ENPEP: variants seen among roughly 807,000 people sequenced by gnomAD.
ENPEP encodes glutamyl aminopeptidase.
Under a neutral mutation model 114.5 loss-of-function variants are expected in ENPEP, and 103 were observed. That is an observed-to-expected ratio of 0.90 (90% CI 0.77 to 1.06). The LOEUF (loss-of-function observed/expected upper bound fraction) is 1.06, where lower values mean the gene tolerates loss of function less well. Ranked by LOEUF, ENPEP falls within the 50% of genes least tolerant of loss-of-function variation. The pLI is 0.00. For synonymous variants in ENPEP, 420 were observed against 422.0 expected, an observed-to-expected ratio of 1.00 and a Z score of 0.06; for missense variants, 1,196 against 1,161.3, an observed-to-expected ratio of 1.03 and a Z score of -0.43.
Position 110,520,091 on chromosome 4 carries a change from T to C in ENPEP, c.1575+18T>C, listed in dbSNP as rs2110363013. 6.2e-7 allele frequency: 1 copy of C among 1,611,702 alleles called. No homozygotes were observed. The highest frequency in any genetic ancestry group is 2.2e-5 in the East Asian group (1 of 44,834). On this transcript the variant is annotated intron_variant, in intron 9 of 19. Coordinates refer to ENST00000265162, the MANE Select transcript of ENPEP (RefSeq NM_001977.4). The stretch of plus-strand genomic sequence containing the variant: ...TGGAAGAGGTAAGGAAGAGTATATG[T>C]CCCCAAATATTTCTTTGTCTGATTT...
rs747567310 is a variant in ENPEP at position 110,562,878 on chromosome 4, C to G, written c.*1320C>G. On this transcript the variant is annotated 3_prime_UTR_variant, in exon 20 of 20. Transcript: ENST00000265162. ...AGAATCGGCTTGATGAGAATTGAAG[C>G]ATATGGAAACAAAACCTTAGCTTTA... 7 of 152,054 alleles carry G rather than the reference C, an allele frequency of 4.6e-5. No individual in the cohort carries two copies. Among genetic ancestry groups the G allele is most frequent in the Non-Finnish European group, 8.8e-5 (6 of 67,972 alleles). The allele number at this position is 152,054 out of a possible 1,614,324, so 9.4% of individuals were successfully genotyped here.
intron 17 of ENPEP, 86 bp from the exon 18 acceptor site, chr4:110,553,229 C>A: frequency 8.2e-7 from 1 of 1,220,490 alleles, no homozygotes; most frequent in East Asian, 2.5e-5. Context: ...GAATTGCTGG[C>A]ATGAAAACTA....
At chr4:110,539,959 G>C (rs927747275) in intron 11 of ENPEP, among the ~76,000 whole-genome samples, 7 of 151,940 alleles carry the variant, frequency 4.6e-5, no homozygotes, top group African/African-American at 1.7e-4. Flanking sequence ...AATTAAAGAG[G>C]CTCTCGATGA....
chr4:110,518,356 T>TC (rs1178690221), intron 8 of ENPEP, among the ~76,000 whole-genome samples: 2 of 152,212 alleles, frequency 1.3e-5, no homozygotes, highest in Non-Finnish European at 2.9e-5. Context: ...AAATGTCTTT[T>TC]CCCTTCTTGG....
rs1725494391 is a variant in ENPEP, at chr4:110,509,532, A to G, written c.1040-121A>G. The G allele has an allele frequency of 6.2e-6, 8 of 1,288,774 alleles. No homozygotes were observed. The Admixed American group carries it at 2.2e-4, about 36-fold the overall frequency. The allele number at this position is 1,288,774 out of a possible 1,614,324, so 79.8% of individuals were successfully genotyped here. On this transcript the variant is annotated intron_variant, in intron 4 of 19. Transcript: ENST00000265162. ...TTCGCACACATGATTACAGTTCTTT[A>G]CTCTAAGAAATTATTTTTAGGCTTT... is the stretch of plus-strand genomic sequence containing the variant.
At position 110,476,787 on chromosome 4, in the gene ENPEP, C is replaced by T; in HGVS notation, c.373C>T (p.Leu125=). The T allele has an allele frequency of 1.2e-6, 2 of 1,614,198 alleles. No homozygotes were observed. Among genetic ancestry groups the T allele is most frequent in the African/African-American group, 2.7e-5 (2 of 75,070 alleles). Residue 125 remains leucine, a synonymous_variant, in exon 1 of 20, where the codon CTG becomes TTG. Transcript: ENST00000265162. ...YTGTVSISIN[L]SAPTRYLWLH... is the part of the protein sequence containing the mutation. ...GGGCACCGTGAGCATCTCCATCAAC[C>T]TGAGCGCTCCCACCCGGTACCTGTG...
chr4:110,480,196 T>TGTA, intron 1 of ENPEP, among the ~76,000 whole-genome samples: 1 of 152,368 alleles, frequency 6.6e-6, no homozygotes, highest in South Asian at 2.1e-4. Flanking sequence ...CTGCCAGTTC[T>TGTA]GTACTGCACA....
intron 18 of ENPEP, chr4:110,559,099 G>A (rs1423602578): frequency 6.6e-6 from 1 of 152,630 alleles, no homozygotes; most frequent in East Asian, 1.9e-4. Context: ...CTCCTGAAGT[G>A]AGTGGTCCAA....
intron 18 of ENPEP, among the ~76,000 whole-genome samples, chr4:110,555,424 T>G (rs1450598411): frequency 6.6e-6 from 1 of 152,084 alleles, no homozygotes; most frequent in East Asian, 1.9e-4. Context: ...CTGAACAATT[T>G]ATGGTCATCC....
chr4:110,515,522 T>C, intron 8 of ENPEP, 80 bp downstream of exon 8: 1 of 1,171,456 alleles, frequency 8.5e-7, no homozygotes, highest in Non-Finnish European at 1.2e-6. Flanking sequence ...ATGTGATTAA[T>C]CAAGGATAAT....
At chr4:110,506,942 G>A (rs1450048956) in intron 4 of ENPEP, among the ~76,000 whole-genome samples, 185 bp downstream of exon 4, 1 of 152,126 alleles carries the variant, frequency 6.6e-6, no homozygotes, top group Non-Finnish European at 1.5e-5. Context: ...TAGGATTACA[G>A]GCCTAATCAA....
rs1446492196 is a variant in ENPEP at position 110,547,665 on chromosome 4, G to A, written c.2001-511G>A. Among the ~76,000 whole-genome samples the A allele has an allele frequency of 2.6e-5, 4 of 151,956 alleles. No individual in the cohort carries two copies. The East Asian group carries it at 5.8e-4, about 22-fold the overall frequency. ...TTACTTTTTTAATGAATATTACTGG[G>A]AAATGTATAAGAAGATGTTATAAAG... is the stretch of plus-strand genomic sequence containing the variant. On this transcript the variant is annotated intron_variant, in intron 13 of 19. Transcript: ENST00000265162.
intron 10 of ENPEP, 30 bp downstream of exon 10, chr4:110,520,396 A>C (rs1560562045): frequency 4.3e-6 from 7 of 1,609,984 alleles, no homozygotes; most frequent in Non-Finnish European, 5.9e-6. Flanking sequence ...TGAAAAAAAC[A>C]CAGAAATTTG....
In ENPEP at chr4:110,549,330, A is replaced by T; in HGVS notation, c.2152-16A>T. Reference sequence around the variant, plus strand: ...TAGTAAATTGTTACTTATTGTACATAATACTTTTATTTCAGGAATACTTCC... The same window carrying T: ...TAGTAAATTGTTACTTATTGTACATTATACTTTTATTTCAGGAATACTTCC... On this transcript the variant is annotated splice_polypyrimidine_tract_variant and intron_variant, in intron 14 of 19. Transcript: ENST00000265162. 1 of 1,601,468 alleles carries T rather than the reference A, an allele frequency of 6.2e-7. No individual in the cohort carries two copies. The highest frequency in any genetic ancestry group is 8.6e-7 in the Non-Finnish European group (1 of 1,168,966).
chr4:110,536,857 G>A (rs780499550), intron 11 of ENPEP, among the ~76,000 whole-genome samples: 13 of 152,102 alleles, frequency 8.5e-5, no homozygotes, highest in Non-Finnish European at 1.5e-4. Flanking sequence ...AGGCATACCT[G>A]AGAGATACTG....
chr4:110,528,317 G>A (rs1726274710), intron 10 of ENPEP, among the ~76,000 whole-genome samples: 1 of 152,144 alleles, frequency 6.6e-6, no homozygotes, highest in Non-Finnish European at 1.5e-5. Flanking sequence ...AAATAAGAAA[G>A]AACCATTATA....
rs541260426 is a variant in ENPEP at position 110,496,945 on chromosome 4, G to A, written c.918+5781G>A. Among the ~76,000 whole-genome samples, 12 of 152,272 alleles carry A rather than the reference G, an allele frequency of 7.9e-5. No homozygotes were observed. The South Asian group carries it at 2.3e-3, about 29-fold the overall frequency. On this transcript the variant is annotated intron_variant, in intron 3 of 19. Coordinates refer to ENST00000265162, the MANE Select transcript of ENPEP (RefSeq NM_001977.4). ...AATCTTCTGTTTTTTAGAAGCAATC[G>A]CTAAATGCAGTCCACACCCAAGGGG... is the stretch of plus-strand genomic sequence containing the variant.
In ENPEP at chr4:110,491,056, A is replaced by G. The variant is rs201626651; in HGVS notation, c.810A>G (p.Lys270=). Residue 270 remains lysine (K), a synonymous_variant, in exon 3 of 20, where the codon AAA becomes AAG. Coordinates refer to ENST00000265162, the MANE Select transcript of ENPEP (RefSeq NM_001977.4). ...PVAKEESVDD[K]WTRTTFEKSV... ...AGAAAGAAGAGTCAGTGGATGATAA[A>G]TGGACTCGAACAACTTTTGAGAAGT... 21 of 1,610,602 alleles carry G rather than the reference A, an allele frequency of 1.3e-5. No homozygotes were observed. The highest frequency in any genetic ancestry group is 1.8e-5 in the Non-Finnish European group (21 of 1,179,348).
chr4:110,506,313 A>G, intron 3 of ENPEP: 1 of 201,218 alleles, frequency 5.0e-6, no homozygotes. Flanking sequence ...AAGATAATAT[A>G]TGTTCTAAGT....
Sources: allele counts gnomAD v4.1 joint callset (sites outside exome capture counted in the v4.1 genomes callset), GRCh38; gene constraint gnomAD v4.1.1; transcripts MANE v1.5; gene names NCBI Gene and HGNC (gene_info 2026-07-23, HGNC 2026-07-21).